PTPRN2: variants seen among roughly 807,000 people sequenced by gnomAD.
PTPRN2 encodes protein tyrosine phosphatase receptor type N2, also known as receptor-type tyrosine-protein phosphatase N2.
A neutral mutation model predicts 118.8 loss-of-function variants in PTPRN2; 74 were observed. The observed-to-expected ratio is 0.62, with a 90% CI of 0.52 to 0.76. The LOEUF is 0.76. Among genes scored for constraint, PTPRN2 ranks in the 30% least tolerant of loss-of-function variants. The probability of loss-of-function intolerance (pLI) is 0.00; values close to 1 mark genes in which losing one functional copy is unlikely to be tolerated. For synonymous variants in PTPRN2, 641 were observed against 608.0 expected, an observed-to-expected ratio of 1.05 and a Z score of -0.80; for missense variants, 1,481 against 1,394.4, an observed-to-expected ratio of 1.06 and a Z score of -0.99.
rs1288634243 is a variant in PTPRN2 at position 157,763,728 on chromosome 7, C to T, written c.1789-80791G>A. 1.3e-5 allele frequency among the ~76,000 whole-genome samples: 2 copies of T among 152,054 alleles called. No homozygotes were observed. The highest frequency in any genetic ancestry group is 1.3e-4 in the Admixed American group (2 of 15,262). ...GGGCTGGTGGCTGGTCCTCTCTTCG[C>T]AGTGCAGTCACTTGCTGGAGTCTCC... On this transcript the variant is annotated intron_variant, in intron 12 of 22. Transcript: ENST00000389418. This position sits in a 1 kb window ranked among gnomAD's most constrained non-coding sequence, Gnocchi z 4.9.
intron 2 of PTPRN2, among the ~76,000 whole-genome samples, chr7:158,477,187 CG>C (rs1820338267): frequency 6.6e-6 from 1 of 152,170 alleles, no homozygotes; most frequent in Non-Finnish European, 1.5e-5. Context: ...GATGAAGGGG[CG>C]GGGCCCTGCC....
chr7:158,466,225 C>G (rs781209635), intron 2 of PTPRN2, among the ~76,000 whole-genome samples: 26 of 152,258 alleles, frequency 1.7e-4, no homozygotes, highest in South Asian at 4.2e-4. Flanking sequence ...TTACTACATA[C>G]AGTCCTCACG....
intron 3 of PTPRN2, among the ~76,000 whole-genome samples, chr7:158,230,612 T>A (rs559961714): frequency 6.6e-6 from 1 of 152,140 alleles, no homozygotes; most frequent in East Asian, 1.9e-4. Flanking sequence ...ACTTGTTATA[T>A]GTTTAAGTTG....
intron 11 of PTPRN2, among the ~76,000 whole-genome samples, chr7:158,014,399 C>T (rs965764421): frequency 6.6e-6 from 1 of 151,846 alleles, no homozygotes; most frequent in African/African-American, 2.4e-5. Flanking sequence ...GTCCATCCAT[C>T]CACCCATTCA....
intron 3 of PTPRN2, among the ~76,000 whole-genome samples, chr7:158,311,493 T>A (rs1801726551): frequency 6.6e-6 from 1 of 152,222 alleles, no homozygotes; most frequent in Non-Finnish European, 1.5e-5. Context: ...GAGAGCAGTG[T>A]GTCTGCCCAT....
intron 22 of PTPRN2, among the ~76,000 whole-genome samples, chr7:157,541,166 G>A (rs1797996272): frequency 6.6e-6 from 1 of 152,246 alleles, no homozygotes; most frequent in African/African-American, 2.4e-5. Flanking sequence ...ACCCGCCTTG[G>A]TGGACGGTGT....
At chr7:158,278,230 G>A (rs951046477) in intron 3 of PTPRN2, among the ~76,000 whole-genome samples, 112 of 152,182 alleles carry the variant, frequency 7.4e-4, no homozygotes, top group Middle Eastern at 3.4e-3. Context: ...AATGGGAATC[G>A]AATGCAGGGA....
intron 11 of PTPRN2, among the ~76,000 whole-genome samples, chr7:157,960,336 TTATGTA>T (rs1801444664): frequency 6.6e-6 from 1 of 152,216 alleles, no homozygotes; most frequent in Non-Finnish European, 1.5e-5. Flanking sequence ...AAATTTTACT[TTATGTA>T]TATTTTACCA....
At chr7:158,319,494 T>TTTCCCTCACACACG in intron 2 of PTPRN2, among the ~76,000 whole-genome samples, 1 of 35,256 alleles carries the variant, frequency 2.8e-5, no homozygotes, top group South Asian at 1.1e-3. Context: ...TCCCTCACAC[T>TTTCCCTCACACACG]CACACAGCCT....
intron 2 of PTPRN2, among the ~76,000 whole-genome samples, chr7:158,333,696 T>C (rs1332288296): frequency 8.7e-5 from 13 of 149,466 alleles, no homozygotes; most frequent in Non-Finnish European, 1.8e-4. Context: ...ACACCCACAC[T>C]GTCACCATAA....
At chr7:157,684,683 G>A (rs1797086148) in intron 12 of PTPRN2, among the ~76,000 whole-genome samples, 10 of 149,154 alleles carry the variant, frequency 6.7e-5, no homozygotes, top group Admixed American at 6.7e-4. Flanking sequence ...AGAGTCCGCC[G>A]GGGTCCGCCC....
intron 12 of PTPRN2, among the ~76,000 whole-genome samples, chr7:157,756,152 C>A (rs749807924): frequency 1.3e-5 from 2 of 152,124 alleles, no homozygotes; most frequent in Non-Finnish European, 2.9e-5. Flanking sequence ...CAAAGAATTA[C>A]GTGTATGTGT....
At position 158,407,179 on chromosome 7, in the gene PTPRN2, CGTCCTGGGTCCT is replaced by C. The variant is rs1563254381; in HGVS notation, c.163+82544_163+82555del. 9.9e-3 allele frequency among the ~76,000 whole-genome samples: 476 copies of C among 48,104 alleles called. 12 individuals carry two copies. Among genetic ancestry groups the C allele is most frequent in the South Asian group, 0.028 (23 of 834 alleles). The allele number at this position is 48,104 out of a possible 152,430, so 31.6% of individuals were successfully genotyped here. A position where few individuals can be genotyped will look rare whatever the true frequency, so the allele number is the denominator to read the frequency against. On this transcript the variant is annotated intron_variant, in intron 2 of 22. Coordinates refer to ENST00000389418, the MANE Select transcript of PTPRN2 (RefSeq NM_002847.5). ...CCTGGGTCCTGGGTCCTGCGTCCTG[CGTCCTGGGTCCT>C]GGGTCCTGGGTCCTGGGTCCTGCGT...
At chr7:158,259,176 G>A (rs2150919018) in intron 3 of PTPRN2, among the ~76,000 whole-genome samples, 1 of 152,334 alleles carries the variant, frequency 6.6e-6, no homozygotes, top group East Asian at 1.9e-4. Context: ...CTAGACACCG[G>A]AAGTGGAAGG....
chr7:157,962,448 G>A (rs1229634908), intron 11 of PTPRN2, among the ~76,000 whole-genome samples: 1 of 152,164 alleles, frequency 6.6e-6, no homozygotes, highest in Non-Finnish European at 1.5e-5. Context: ...TGTCAAACTC[G>A]GTCACCAGCA....
chr7:157,839,507 GTGTC>G (rs561324161), intron 12 of PTPRN2, among the ~76,000 whole-genome samples: 48 of 151,856 alleles, frequency 3.2e-4, no homozygotes, highest in African/African-American at 8.9e-4. Context: ...CTGTGTCTAT[GTGTC>G]TGTCTGTGTG....
Position 158,081,397 on chromosome 7 carries a change from A to G in PTPRN2, c.1644-20T>C, listed in dbSNP as rs772379046. 8 of 1,609,418 alleles carry G rather than the reference A, an allele frequency of 5.0e-6. No individual in the cohort carries two copies. Among genetic ancestry groups the G allele is most frequent in the Admixed American group, 1.7e-5 (1 of 60,024 alleles). On this transcript the variant is annotated intron_variant, in intron 10 of 22. Transcript: ENST00000389418. ...AGAACCCTGGAAGGGATAATTTAAA[A>G]TAAGTTCATAACGAAGTCTACGCGC...
intron 2 of PTPRN2, among the ~76,000 whole-genome samples, chr7:158,413,093 C>T (rs1400710252): frequency 6.6e-6 from 1 of 151,206 alleles, no homozygotes; most frequent in Non-Finnish European, 1.5e-5. Flanking sequence ...CTCCTCAGCT[C>T]CAGGACCCAT....
At chr7:157,971,638 T>C (rs1040130825) in intron 11 of PTPRN2, among the ~76,000 whole-genome samples, 7 of 152,078 alleles carry the variant, frequency 4.6e-5, no homozygotes, top group Non-Finnish European at 1.5e-5. Flanking sequence ...TAAGTGCATT[T>C]CTTGCACACT....
Sources: gnomAD v4.1 joint callset for allele counts (sites outside exome capture counted in the v4.1 genomes callset) on GRCh38, gnomAD v4.1.1 for gene constraint, Gnocchi (gnomAD v3.1) non-coding constraint, MANE v1.5 for transcripts, NCBI Gene and HGNC (gene_info 2026-07-23, HGNC 2026-07-21) for gene names.